Variants in BLVRB observed in about 807,000 individuals in gnomAD.
BLVRB encodes the protein flavin reductase (NADPH).
Under a neutral mutation model 21.1 loss-of-function variants are expected in BLVRB, and 25 were observed. That is an observed-to-expected ratio of 1.19 (90% CI 0.86 to 1.66). The LOEUF (loss-of-function observed/expected upper bound fraction) is 1.66, where lower values mean the gene tolerates loss of function less well. BLVRB is among the 40% of genes most tolerant of loss of function. The pLI is 0.00. For missense variants in BLVRB, 274 were observed against 282.7 expected (o/e 0.97, Z 0.22); for synonymous variants, 128 against 122.2 (o/e 1.05, Z -0.31).
Position 40,463,285 on chromosome 19 carries a change from A to G in BLVRB, c.79+2325T>C, listed in dbSNP as rs529715011. Among the ~76,000 whole-genome samples the G allele has an allele frequency of 1.2e-4, 19 of 152,356 alleles. 1 individual carries two copies. The South Asian group carries it at 3.9e-3, about 32-fold the overall frequency. On this transcript the variant is annotated intron_variant, in intron 1 of 4. Coordinates refer to ENST00000263368, the MANE Select transcript of BLVRB (RefSeq NM_000713.3). Reference sequence around the variant, plus strand: ...TCCAGAGACTGCAAAATTCAATGCTAGTCTAAGTACCTCCTATATAAGATC... The same window carrying G: ...TCCAGAGACTGCAAAATTCAATGCTGGTCTAAGTACCTCCTATATAAGATC...
intron 3 of BLVRB, 24 bp downstream of exon 3, chr19:40,458,131 C>T (rs373217922): frequency 1.2e-6 from 2 of 1,610,750 alleles, no homozygotes; most frequent in Admixed American, 1.7e-5. Flanking sequence ...AGTTCAGCCC[C>T]ACCTCCATGA....
intron 3 of BLVRB, among the ~76,000 whole-genome samples, chr19:40,451,841 G>T (rs191658743): frequency 1.9e-4 from 29 of 152,228 alleles, no homozygotes; most frequent in Admixed American, 3.3e-4. Flanking sequence ...CCAAGGGCTC[G>T]CTTGTCTTGA....
intron 1 of BLVRB, among the ~76,000 whole-genome samples, chr19:40,463,998 A>C (rs955617067): frequency 1.1e-4 from 17 of 151,348 alleles, no homozygotes; most frequent in African/African-American, 3.2e-4. Context: ...CGAACTCCTG[A>C]CCTCGTGATC....
At chr19:40,463,226 A>G (rs993223516) in intron 1 of BLVRB, among the ~76,000 whole-genome samples, 1 of 152,206 alleles carries the variant, frequency 6.6e-6, no homozygotes, top group Non-Finnish European at 1.5e-5. Flanking sequence ...GCTAGTAGGT[A>G]GAGAAGGTTG....
chr19:40,460,553 T>G (rs2079782774), intron 1 of BLVRB, among the ~76,000 whole-genome samples: 1 of 151,284 alleles, frequency 6.6e-6, no homozygotes, highest in South Asian at 2.1e-4. Context: ...GAGCTATGAT[T>G]GTACCACTGC....
chr19:40,454,549 T>TTTTTCTA (rs2079754195), intron 3 of BLVRB, among the ~76,000 whole-genome samples: 1 of 151,604 alleles, frequency 6.6e-6, no homozygotes, highest in African/African-American at 2.4e-5. Flanking sequence ...CCTAGTTTCT[T>TTTTTCTA]TTTTCTTTTT....
intron 1 of BLVRB, 80 bp from the exon 2 acceptor site, chr19:40,458,625 A>G (rs1446332044): frequency 6.9e-7 from 1 of 1,443,980 alleles, no homozygotes; most frequent in Non-Finnish European, 9.2e-7. Context: ...AGAAGCCACC[A>G]TGAACTCTCA....
intron 4 of BLVRB, 85 bp downstream of exon 4, chr19:40,451,279 T>C (rs2079738416): frequency 1.3e-6 from 2 of 1,541,034 alleles, no homozygotes; most frequent in African/African-American, 2.7e-5. Context: ...TTTAGGGTGG[T>C]CAGGGAAGGC....
chr19:40,452,904 C>CAA (rs1568737334), intron 3 of BLVRB, among the ~76,000 whole-genome samples: 7 of 122,254 alleles, frequency 5.7e-5, no homozygotes, highest in Non-Finnish European at 9.6e-5. Flanking sequence ...ACAAAAAAAA[C>CAA]ACAAAAATTA....
chr19:40,451,240 T>C (rs1442873100), intron 4 of BLVRB, 124 bp downstream of exon 4: 3 of 1,393,266 alleles, frequency 2.2e-6, no homozygotes, highest in East Asian at 5.1e-5. Flanking sequence ...CAAATATATA[T>C]GTCACAATAT....
chr19:40,462,809 C>T (rs1270434043), intron 1 of BLVRB, among the ~76,000 whole-genome samples: 8 of 142,820 alleles, frequency 5.6e-5, no homozygotes, highest in African/African-American at 2.1e-4. Context: ...AGGAGAATGG[C>T]TGAACTCGGG....
chr19:40,455,309 G>T (rs1316893614), intron 3 of BLVRB, among the ~76,000 whole-genome samples: 1 of 152,212 alleles, frequency 6.6e-6, no homozygotes, highest in Admixed American at 6.5e-5. Flanking sequence ...ATAATTAGAG[G>T]CTGGAAGATA....
intron 3 of BLVRB, among the ~76,000 whole-genome samples, chr19:40,451,755 A>T (rs572982412): frequency 1.3e-5 from 2 of 150,902 alleles, no homozygotes; most frequent in African/African-American, 4.9e-5. Flanking sequence ...CTGGTCTCAA[A>T]CTCCTGACCT....
chr19:40,454,175 G>A (rs752654932), intron 3 of BLVRB, among the ~76,000 whole-genome samples: 9 of 152,076 alleles, frequency 5.9e-5, no homozygotes, highest in Admixed American at 6.6e-5. Context: ...AGTTGGAGGC[G>A]GTAGCGAGCT....
rs2079720970 is a variant in BLVRB, at chr19:40,447,888, G to A, written c.*1C>T. ...CCACCCTCCCAGATGGGGACAGAGT[G>A]CTACTGGTACTGGTGGGAGGGGTAG... On this transcript the variant is annotated 3_prime_UTR_variant, in exon 5 of 5. Transcript: ENST00000263368. 6 of 1,613,386 alleles carry A rather than the reference G, an allele frequency of 3.7e-6. No homozygotes were observed. Among genetic ancestry groups the A allele is most frequent in the Non-Finnish European group, 5.1e-6 (6 of 1,179,494 alleles).
chr19:40,449,692 A>G (rs1599685188), intron 4 of BLVRB, among the ~76,000 whole-genome samples: 1 of 152,204 alleles, frequency 6.6e-6, no homozygotes, highest in African/African-American at 2.4e-5. Context: ...AAGTGCGACA[A>G]TGTTGCAATT....
At chr19:40,449,568 C>A (rs1042828741) in intron 4 of BLVRB, among the ~76,000 whole-genome samples, 1 of 152,076 alleles carries the variant, frequency 6.6e-6, no homozygotes, top group African/African-American at 2.4e-5. Context: ...AATTTTACTA[C>A]GGAGTGGATA....
intron 3 of BLVRB, among the ~76,000 whole-genome samples, chr19:40,454,004 ATAGT>A (rs1284545601): frequency 3.9e-5 from 6 of 152,202 alleles, no homozygotes; most frequent in South Asian, 2.1e-4. Flanking sequence ...AAATAAATAA[ATAGT>A]TTGAGTAATG....
rs2079721449 is a variant in BLVRB at position 40,447,972 on chromosome 19, CATGTTTGGAG to C, written c.528_537del (p.Ile176MetfsTer50). 5 of 1,613,942 alleles carry C rather than the reference CATGTTTGGAG, an allele frequency of 3.1e-6. No individual in the cohort carries two copies. Among genetic ancestry groups the C allele is most frequent in the Non-Finnish European group, 4.2e-6 (5 of 1,180,018 alleles). On this transcript the variant is annotated frameshift_variant, in exon 5 of 5. Transcript: ENST00000263368. LOFTEE classifies it high-confidence loss of function. ...CAGCGCAGCATGAAATGGCCCAGGT[CATGTTTGGAG>C]ATGACCCTTGAGGGCCCTCGTCCAT...
Sources: gnomAD v4.1 joint callset for allele counts (sites outside exome capture counted in the v4.1 genomes callset) on GRCh38, gnomAD v4.1.1 for gene constraint, MANE v1.5 for transcripts, NCBI Gene and HGNC (gene_info 2026-07-23, HGNC 2026-07-21) for gene names.